Variants in IFT57 observed in about 807,000 individuals in gnomAD.
IFT57 encodes intraflagellar transport protein 57 homolog.
A neutral mutation model predicts 56.8 loss-of-function variants in IFT57; 59 were observed. That is an observed-to-expected ratio of 1.04 (90% CI 0.84 to 1.29). The LOEUF (loss-of-function observed/expected upper bound fraction) is 1.29. IFT57 is among the 50% of genes most tolerant of loss of function. The pLI is 0.00. For missense variants in IFT57, 470 were observed against 522.1 expected (o/e 0.90, Z 0.97); for synonymous variants, 209 against 186.1 (o/e 1.12, Z -1.00).
chr3:108,182,230 T>C (rs929304534), intron 6 of IFT57, among the ~76,000 whole-genome samples: 1 of 152,092 alleles, frequency 6.6e-6, no homozygotes, highest in Non-Finnish European at 1.5e-5. Context: ...TCAAATCAAG[T>C]TACTCTCTCC....
At chr3:108,162,944 A>C (rs1320522160) in intron 10 of IFT57, among the ~76,000 whole-genome samples, 3 of 152,042 alleles carry the variant, frequency 2.0e-5, no homozygotes, top group African/African-American at 7.2e-5. Flanking sequence ...TGATTTTATG[A>C]GCTAGTATAT....
intron 5 of IFT57, among the ~76,000 whole-genome samples, chr3:108,206,070 ATATAT>A (rs1478673357): frequency 2.0e-4 from 24 of 119,268 alleles, no homozygotes; most frequent in Middle Eastern, 5.4e-3. Flanking sequence ...ATATATAATA[ATATAT>A]TATATATAAA....
intron 6 of IFT57, among the ~76,000 whole-genome samples, chr3:108,175,484 T>G (rs2080119151): frequency 6.6e-6 from 1 of 151,858 alleles, no homozygotes; most frequent in South Asian, 2.1e-4. Context: ...AAAACTGTGA[T>G]GAAGTATCTG....
intron 6 of IFT57, among the ~76,000 whole-genome samples, chr3:108,172,349 A>G (rs28369138): frequency 0.1 from 15,139 of 151,916 alleles, 816 homozygotes; most frequent in Middle Eastern, 0.12. Context: ...GGATCACAAG[A>G]AAATAAAGCT....
chr3:108,167,852 G>C lies in IFT57; in HGVS notation c.790C>G (p.His264Asp). Residue 264 changes from histidine to aspartate, a missense_variant, in exon 7 of 11, where the codon CAT becomes GAT. By Grantham distance (81) the His-to-Asp change is moderately conservative (BLOSUM62 -1). Coordinates refer to ENST00000264538, the MANE Select transcript of IFT57 (RefSeq NM_018010.4). ...IRTDNKDWRI[H>D]VDQMHQHRSG... is the part of the protein sequence containing the mutation. ...CTGTGCTGGTGCATTTGGTCAACAT[G>C]GATTCTCCAATCCTACAGGCATAGA... 6.3e-7 allele frequency: 1 copy of C among 1,591,808 alleles called. No homozygotes were observed. The highest frequency in any genetic ancestry group is 8.6e-7 in the Non-Finnish European group (1 of 1,169,354).
intron 6 of IFT57, among the ~76,000 whole-genome samples, chr3:108,171,304 A>G (rs572235418): frequency 6.6e-6 from 1 of 151,910 alleles, no homozygotes; most frequent in Non-Finnish European, 1.5e-5. Flanking sequence ...AAGGCCACAT[A>G]GCTATTGGTG....
intron 7 of IFT57, 70 bp from the exon 8 acceptor site, chr3:108,167,055 G>T: frequency 7.3e-7 from 1 of 1,374,734 alleles, no homozygotes; most frequent in South Asian, 1.3e-5. Context: ...TTAAAAATGG[G>T]TTACATCTCA....
chr3:108,185,756 C>A (rs2080178369), intron 6 of IFT57, among the ~76,000 whole-genome samples: 1 of 151,832 alleles, frequency 6.6e-6, no homozygotes, highest in East Asian at 1.9e-4. Flanking sequence ...TAGGACTGCC[C>A]TTATTTATAA....
At chr3:108,218,774 G>A (rs972814534) in intron 2 of IFT57, 121 bp from the exon 3 acceptor site, 12 of 495,712 alleles carry the variant, frequency 2.4e-5, no homozygotes, top group East Asian at 1.4e-4. Flanking sequence ...TACAATAACT[G>A]TAATTACACT....
chr3:108,213,308 C>T (rs537311471), intron 4 of IFT57, among the ~76,000 whole-genome samples: 5 of 152,056 alleles, frequency 3.3e-5, no homozygotes, highest in East Asian at 1.9e-4. Flanking sequence ...GTTTTTTCCC[C>T]CAACCATTTC....
At chr3:108,218,944 T>C (rs184648625) in intron 2 of IFT57, among the ~76,000 whole-genome samples, 5 of 152,286 alleles carry the variant, frequency 3.3e-5, no homozygotes, top group Admixed American at 1.3e-4. Flanking sequence ...TAAAACTATT[T>C]AAACAACTAT....
intron 6 of IFT57, among the ~76,000 whole-genome samples, chr3:108,170,973 A>G (rs1485776278): frequency 6.6e-6 from 1 of 151,938 alleles, no homozygotes; most frequent in African/African-American, 2.4e-5. Context: ...TAAAAGAAAA[A>G]TACAGTAAGT....
intron 5 of IFT57, among the ~76,000 whole-genome samples, chr3:108,196,642 T>C (rs1230864427): frequency 6.6e-6 from 1 of 152,224 alleles, no homozygotes; most frequent in Non-Finnish European, 1.5e-5. Flanking sequence ...ACTCCCAATG[T>C]TCTAAAATGA....
rs182349422 is a variant in IFT57 at position 108,201,727 on chromosome 3, T to A, written c.654+4901A>T. ...TCTCCTAGATTACTCAGTAAGAATA[T>A]TTTATCTAAAAGAAAAATATAAAAC... On this transcript the variant is annotated intron_variant, in intron 5 of 10. Coordinates refer to ENST00000264538, the MANE Select transcript of IFT57 (RefSeq NM_018010.4). Among the ~76,000 whole-genome samples, 222 of 152,300 alleles carry A rather than the reference T, an allele frequency of 1.5e-3. 2 individuals carry two copies. The highest frequency in any genetic ancestry group is 1.3e-4 in the Non-Finnish European group (9 of 68,024).
At chr3:108,189,405 C>T (rs963831412) in intron 6 of IFT57, among the ~76,000 whole-genome samples, 1 of 152,206 alleles carries the variant, frequency 6.6e-6, no homozygotes, top group Non-Finnish European at 1.5e-5. Flanking sequence ...CAAATGGAGA[C>T]ATTCTAAGAA....
At chr3:108,164,876 C>T (rs1006250757) in intron 9 of IFT57, among the ~76,000 whole-genome samples, 1 of 151,824 alleles carries the variant, frequency 6.6e-6, no homozygotes, top group Non-Finnish European at 1.5e-5. Context: ...AGGTTTTTTC[C>T]TCCTTTGGCT....
intron 5 of IFT57, among the ~76,000 whole-genome samples, chr3:108,196,090 A>T (rs1264340539): frequency 1.3e-5 from 2 of 152,192 alleles, no homozygotes; most frequent in Non-Finnish European, 1.5e-5. Context: ...CCTTGTATCA[A>T]AATATCACAT....
intron 6 of IFT57, among the ~76,000 whole-genome samples, chr3:108,187,602 G>C (rs1280843916): frequency 2.6e-5 from 4 of 151,510 alleles, no homozygotes; most frequent in African/African-American, 9.7e-5. Context: ...AAAAAAGGGG[G>C]GGAGTGTCTG....
At chr3:108,217,708 T>C (rs1242997590) in intron 3 of IFT57, among the ~76,000 whole-genome samples, 2 of 150,776 alleles carry the variant, frequency 1.3e-5, no homozygotes, top group Non-Finnish European at 3.0e-5. Context: ...ATAATCTTTC[T>C]ACCGAAGTTA....
Sources: allele counts gnomAD v4.1 joint callset (sites outside exome capture counted in the v4.1 genomes callset), GRCh38; gene constraint gnomAD v4.1.1; transcripts MANE v1.5; gene names NCBI Gene and HGNC (gene_info 2026-07-23, HGNC 2026-07-21).